C9: variants seen among roughly 807,000 people sequenced by gnomAD.
C9 encodes the protein complement C9.
Under a neutral mutation model 65.4 loss-of-function variants are expected in C9, and 63 were observed. That is an observed-to-expected ratio of 0.96 (90% CI 0.79 to 1.19). C9 has a LOEUF of 1.19. Among genes scored for constraint, C9 ranks in the 50% most tolerant of loss-of-function variants. The probability of loss-of-function intolerance (pLI) is 0.00; values close to 1 mark genes in which losing one functional copy is unlikely to be tolerated. For synonymous variants in C9, 229 were observed against 227.9 expected, an observed-to-expected ratio of 1.00 and a Z score of -0.04; for missense variants, 744 against 670.1, an observed-to-expected ratio of 1.11 and a Z score of -1.22.
At chr5:39,322,082 G>C (rs1178898357) in intron 5 of C9, among the ~76,000 whole-genome samples, 1 of 151,744 alleles carries the variant, frequency 6.6e-6, no homozygotes, top group Non-Finnish European at 1.5e-5. Context: ...ACATTCTCGT[G>C]GACAGATCGT....
intron 5 of C9, among the ~76,000 whole-genome samples, chr5:39,324,710 T>A (rs966846142): frequency 3.9e-5 from 6 of 152,158 alleles, no homozygotes; most frequent in Admixed American, 3.3e-4. Context: ...CTAGGCTCAA[T>A]GTTAAGCATT....
intron 4 of C9, among the ~76,000 whole-genome samples, chr5:39,335,580 T>C (rs961990704): frequency 1.3e-5 from 2 of 152,160 alleles, no homozygotes; most frequent in Non-Finnish European, 2.9e-5. Flanking sequence ...CCAGAGATGA[T>C]TTAAAGAGTA....
At position 39,341,200 on chromosome 5, in the gene C9, G is replaced by C. The variant is rs998275622; in HGVS notation, c.422C>G (p.Pro141Arg). 1.9e-6 allele frequency: 3 copies of C among 1,614,156 alleles called. No individual in the cohort carries two copies. The highest frequency in any genetic ancestry group is 2.5e-6 in the Non-Finnish European group (3 of 1,180,028). ...CTCTTCTACCACTCTGTCTCTGCAGGGGGGACGGGGCTCACTTTCACAATC... is the reference window on the plus strand; with the variant it reads ...CTCTTCTACCACTCTGTCTCTGCAGCGGGGACGGGGCTCACTTTCACAATC... ...EDDCESEPRP[P>R]CRDRVVEESE... The change falls in exon 4 of 11, where the codon CCC becomes CGC. Residue 141 changes from proline (P) to arginine (R), a missense_variant. Coordinates refer to ENST00000263408, the MANE Select transcript of C9 (RefSeq NM_001737.5).
chr5:39,358,964 G>A (rs927959089), intron 1 of C9, among the ~76,000 whole-genome samples: 5 of 150,280 alleles, frequency 3.3e-5, no homozygotes, highest in Non-Finnish European at 5.9e-5. Flanking sequence ...CAGCCTGGGT[G>A]GCAGAGCGAG....
chr5:39,304,366 C>T (rs1425812792), intron 9 of C9, among the ~76,000 whole-genome samples: 1 of 151,970 alleles, frequency 6.6e-6, no homozygotes, highest in Non-Finnish European at 1.5e-5. Context: ...AAAGACTATC[C>T]CCTATGTTTG....
At chr5:39,327,915 T>A (rs1156441396) in intron 5 of C9, among the ~76,000 whole-genome samples, 5 of 152,246 alleles carry the variant, frequency 3.3e-5, no homozygotes, top group Non-Finnish European at 4.4e-5. Context: ...AGACACAAGA[T>A]AACAGAGAGT....
At chr5:39,347,911 A>C (rs988934889) in intron 1 of C9, among the ~76,000 whole-genome samples, 16 of 150,276 alleles carry the variant, frequency 1.1e-4, no homozygotes, top group Admixed American at 2.0e-4. Context: ...GAAAAACAAG[A>C]AATGGGGAAA....
chr5:39,325,216 T>C (rs7705551), intron 5 of C9, among the ~76,000 whole-genome samples: 3,126 of 152,258 alleles, frequency 0.021, 113 homozygotes, highest in African/African-American at 0.07. Context: ...AAGAAACCTA[T>C]GAACAACAGA....
At chr5:39,316,094 C>A in intron 5 of C9, 65 bp from the exon 6 acceptor site, 2 of 1,384,320 alleles carry the variant, frequency 1.4e-6, no homozygotes, top group Non-Finnish European at 2.0e-6. Flanking sequence ...ACAAGCAGAA[C>A]AGAACCAAAG....
At position 39,345,756 on chromosome 5, in the gene C9, C is replaced by T. The variant is rs183170618; in HGVS notation, c.78-3560G>A. Among the ~76,000 whole-genome samples, 134 of 152,216 alleles carry T rather than the reference C, an allele frequency of 8.8e-4. 1 individual carries two copies. Among genetic ancestry groups the T allele is most frequent in the African/African-American group, 2.9e-3 (122 of 41,540 alleles). On this transcript the variant is annotated intron_variant, in intron 1 of 10. Transcript: ENST00000263408. ...CACATCGCACTTATCTCAAATTTGA[C>T]GACACAGTTGGAAGTAAAGCACTCC...
intron 1 of C9, among the ~76,000 whole-genome samples, chr5:39,358,258 T>C (rs1754444852): frequency 1.3e-5 from 2 of 152,144 alleles, no homozygotes; most frequent in South Asian, 2.1e-4. Context: ...AAGGTGATAG[T>C]CCATTAAGGT....
At chr5:39,321,244 T>C (rs1401978817) in intron 5 of C9, among the ~76,000 whole-genome samples, 2 of 152,018 alleles carry the variant, frequency 1.3e-5, no homozygotes, top group Non-Finnish European at 2.9e-5. Flanking sequence ...ATACACAATA[T>C]AAAAAGATGT....
At chr5:39,335,162 C>T (rs909922691) in intron 4 of C9, among the ~76,000 whole-genome samples, 1 of 152,134 alleles carries the variant, frequency 6.6e-6, no homozygotes. Context: ...TCTGGTGTGG[C>T]TACTTTAACA....
intron 5 of C9, among the ~76,000 whole-genome samples, chr5:39,325,085 A>G (rs10051370): frequency 0.029 from 4,487 of 152,326 alleles, 203 homozygotes; most frequent in African/African-American, 0.1. Context: ...AGTTGTAAAT[A>G]GAGAGTAAGT....
chr5:39,341,955 C>A, intron 2 of C9, 136 bp downstream of exon 2: 1 of 718,580 alleles, frequency 1.4e-6, no homozygotes, highest in Non-Finnish European at 2.5e-6. Flanking sequence ...TAGCAACATA[C>A]ATTTAAATGT....
intron 6 of C9, among the ~76,000 whole-genome samples, chr5:39,315,537 C>G (rs939342195): frequency 2.6e-5 from 4 of 152,134 alleles, no homozygotes; most frequent in African/African-American, 9.7e-5. Context: ...AAAAAATGCT[C>G]TAAATTCTTA....
intron 4 of C9, among the ~76,000 whole-genome samples, chr5:39,337,998 C>T (rs1180611727): frequency 6.6e-6 from 1 of 152,132 alleles, no homozygotes; most frequent in Non-Finnish European, 1.5e-5. Context: ...GAGTGTACTC[C>T]TATTACCTCT....
intron 9 of C9, among the ~76,000 whole-genome samples, chr5:39,300,415 A>C (rs1753259038): frequency 6.6e-6 from 1 of 152,120 alleles, no homozygotes; most frequent in South Asian, 2.1e-4. Context: ...CGATCTTTAA[A>C]ACAAAAACAA....
chr5:39,344,549 G>T (rs971331920), intron 1 of C9, among the ~76,000 whole-genome samples: 3 of 152,176 alleles, frequency 2.0e-5, no homozygotes, highest in Non-Finnish European at 4.4e-5. Flanking sequence ...TGTCTGATTG[G>T]TGTACCTGAA....
Sources: gnomAD v4.1 joint callset for allele counts (sites outside exome capture counted in the v4.1 genomes callset) on GRCh38, gnomAD v4.1.1 for gene constraint, MANE v1.5 for transcripts, NCBI Gene and HGNC (gene_info 2026-07-23, HGNC 2026-07-21) for gene names.